Variants in KIRREL3 observed in about 807,000 individuals in gnomAD.
KIRREL3 encodes the protein kin of IRRE-like protein 3.
In KIRREL3, 36 loss-of-function variants were observed where a neutral mutation model predicts 89.7. That is an observed-to-expected ratio of 0.40 (90% CI 0.31 to 0.53). The LOEUF (loss-of-function observed/expected upper bound fraction) is 0.53, where lower values mean the gene tolerates loss of function less well. Among genes scored for constraint, KIRREL3 ranks in the 20% least tolerant of loss-of-function variants. The pLI is 0.49. For synonymous variants in KIRREL3, 445 were observed against 441.4 expected (o/e 1.01, Z -0.10); for missense variants, 864 against 1,056.6 (o/e 0.82, Z 2.53).
intron 1 of KIRREL3, among the ~76,000 whole-genome samples, chr11:126,852,587 T>C (rs1307602101): frequency 1.3e-5 from 2 of 152,308 alleles, no homozygotes; most frequent in Middle Eastern, 3.4e-3. Context: ...GCTTGAGCTA[T>C]CTCTACTTTA....
At chr11:126,930,647 G>T (rs1454839561) in intron 1 of KIRREL3, among the ~76,000 whole-genome samples, 2 of 152,192 alleles carry the variant, frequency 1.3e-5, no homozygotes, top group African/African-American at 4.8e-5. Flanking sequence ...TCACTGGATT[G>T]CTTCATCCCC....
intron 1 of KIRREL3, among the ~76,000 whole-genome samples, chr11:126,806,766 A>G (rs1951216250): frequency 6.6e-6 from 1 of 152,172 alleles, no homozygotes; most frequent in Non-Finnish European, 1.5e-5. Context: ...TGCTGCACCC[A>G]TCAACCCATC....
In KIRREL3 at chr11:126,615,134, A is replaced by G. The variant is rs1442434867; in HGVS notation, c.56-52222T>C. 6.6e-6 allele frequency among the ~76,000 whole-genome samples: 1 copy of G among 152,094 alleles called. No homozygotes were observed. The highest frequency in any genetic ancestry group is 1.5e-5 in the Non-Finnish European group (1 of 68,008). Reference sequence around the variant, plus strand: ...TCAGGGAAAGACATTTTGGTGCATTATGAGGAAGAATTGTAATGTAGAGCT... The same window carrying G: ...TCAGGGAAAGACATTTTGGTGCATTGTGAGGAAGAATTGTAATGTAGAGCT... On this transcript the variant is annotated intron_variant, in intron 1 of 16. Transcript: ENST00000525144. This position sits in a 1 kb window ranked among gnomAD's most constrained non-coding sequence, Gnocchi z 5.4.
intron 1 of KIRREL3, chr11:126,934,852 A>G (rs1287667377): frequency 6.6e-6 from 1 of 152,222 alleles, no homozygotes; most frequent in African/African-American, 2.4e-5. Flanking sequence ...CGAGGTCAGG[A>G]CATCGAGGCT....
intron 1 of KIRREL3, among the ~76,000 whole-genome samples, chr11:126,691,624 G>T (rs754677362): frequency 3.3e-5 from 5 of 152,130 alleles, no homozygotes; most frequent in Non-Finnish European, 7.4e-5. Context: ...TGTAGCAGTA[G>T]TAAAACTTTG....
chr11:126,922,113 A>ATCTGTCTGTCTG (rs1555089441), intron 1 of KIRREL3, among the ~76,000 whole-genome samples: 37 of 141,632 alleles, frequency 2.6e-4, no homozygotes, highest in East Asian at 1.5e-3. Flanking sequence ...CGATCTATCT[A>ATCTGTCTGTCTG]TCTGTCTGTC....
At position 126,995,832 on chromosome 11, in the gene KIRREL3, C is replaced by T. The variant is rs909155535; in HGVS notation, c.55+4623G>A. ...GAACAAAAAAGAAAAACTGCATCTT[C>T]GGGCCTAATCTCCTGCTCCACCCCA... On this transcript the variant is annotated intron_variant, in intron 1 of 16. Transcript: ENST00000525144. This position sits in a 1 kb window ranked among gnomAD's most constrained non-coding sequence, Gnocchi z 6.5. Among the ~76,000 whole-genome samples the T allele has an allele frequency of 5.9e-5, 9 of 152,306 alleles. No homozygotes were observed. The South Asian group carries it at 6.2e-4, about 11-fold the overall frequency.
chr11:126,572,178 C>T (rs1246233011), intron 1 of KIRREL3, among the ~76,000 whole-genome samples: 3 of 152,270 alleles, frequency 2.0e-5, no homozygotes, highest in Non-Finnish European at 2.9e-5. Flanking sequence ...CCAAGAGTTC[C>T]CAAAAGACTA....
chr11:126,939,168 G>A (rs1172859682), intron 1 of KIRREL3, among the ~76,000 whole-genome samples: 1 of 152,176 alleles, frequency 6.6e-6, no homozygotes, highest in Non-Finnish European at 1.5e-5. Flanking sequence ...GAGGAGGGTG[G>A]TAAAAACCAG....
At position 126,459,410 on chromosome 11, in the gene KIRREL3, T is replaced by C. The variant is rs1190403928; in HGVS notation, c.743-2956A>G. ...CTTAGCATCGTCTTTGGTGATCACC[T>C]GCCCCGAAGCGATTCACAAGGGTTC... is the stretch of plus-strand genomic sequence containing the variant. On this transcript the variant is annotated intron_variant, in intron 6 of 16. Coordinates refer to ENST00000525144, the MANE Select transcript of KIRREL3 (RefSeq NM_032531.4). The surrounding 1 kb of genome is among the most constrained non-coding windows in gnomAD (Gnocchi z 4.8). 6.6e-6 allele frequency among the ~76,000 whole-genome samples: 1 copy of C among 152,094 alleles called. No homozygotes were observed. Among genetic ancestry groups the C allele is most frequent in the Non-Finnish European group, 1.5e-5 (1 of 68,016 alleles).
Position 126,576,112 on chromosome 11 carries a change from T to C in KIRREL3, c.56-13200A>G, listed in dbSNP as rs1461059450. On this transcript the variant is annotated intron_variant, in intron 1 of 16. Coordinates refer to ENST00000525144, the MANE Select transcript of KIRREL3 (RefSeq NM_032531.4). This position sits in a 1 kb window ranked among gnomAD's most constrained non-coding sequence, Gnocchi z 5.4. ...TGACGAGTAACTCCACAGACAGGGA[T>C]GATCTACTCTAATGTTCAACAGATT... Among the ~76,000 whole-genome samples the C allele has an allele frequency of 6.6e-6, 1 of 152,176 alleles. No homozygotes were observed. Among genetic ancestry groups the C allele is most frequent in the Non-Finnish European group, 1.5e-5 (1 of 68,038 alleles).
chr11:126,799,130 G>A (rs1950909728), intron 1 of KIRREL3, among the ~76,000 whole-genome samples: 1 of 140,122 alleles, frequency 7.1e-6, no homozygotes. Flanking sequence ...GTGTGCGTGT[G>A]CATGTACCTG....
At chr11:126,517,136 A>AGAGAGAGAGAGAG (rs1958437220) in intron 4 of KIRREL3, among the ~76,000 whole-genome samples, 1 of 140,906 alleles carries the variant, frequency 7.1e-6, no homozygotes, top group Non-Finnish European at 1.5e-5. Flanking sequence ...GAGAGAGAGA[A>AGAGAGAGAGAGAG]AGAGAGAGAG....
At chr11:126,585,184 G>T (rs758652967) in intron 1 of KIRREL3, among the ~76,000 whole-genome samples, 5 of 147,972 alleles carry the variant, frequency 3.4e-5, no homozygotes, top group Non-Finnish European at 7.4e-5. Flanking sequence ...CTTCCAAAGT[G>T]CTGGGATTAC....
chr11:126,963,243 T>A (rs1221762668), intron 1 of KIRREL3, among the ~76,000 whole-genome samples: 1 of 151,902 alleles, frequency 6.6e-6, no homozygotes, highest in African/African-American at 2.4e-5. Context: ...CTTCTAACAC[T>A]TAGTTTCCTG....
At position 126,639,819 on chromosome 11, in the gene KIRREL3, G is replaced by GACACAAGAAGGA. The variant is rs1384840827; in HGVS notation, c.56-76908_56-76907insTCCTTCTTGTGT. ...ACAAGAAGGAGCTAAACTCATTTCA[G>GACACAAGAAGGA]GTTTGACCTCTGTGGCTGGGATCTG... On this transcript the variant is annotated intron_variant, in intron 1 of 16. Coordinates refer to ENST00000525144, the MANE Select transcript of KIRREL3 (RefSeq NM_032531.4). This position sits in a 1 kb window ranked among gnomAD's most constrained non-coding sequence, Gnocchi z 4.3. Among the ~76,000 whole-genome samples the GACACAAGAAGGA allele has an allele frequency of 1.3e-5, 2 of 152,146 alleles. No individual in the cohort carries two copies. Among genetic ancestry groups the GACACAAGAAGGA allele is most frequent in the Non-Finnish European group, 2.9e-5 (2 of 68,022 alleles).
intron 1 of KIRREL3, among the ~76,000 whole-genome samples, chr11:126,604,818 G>A (rs561785794): frequency 1.3e-5 from 2 of 152,206 alleles, no homozygotes; most frequent in Non-Finnish European, 2.9e-5. Flanking sequence ...GAGAAGCAAC[G>A]CTAGACTCAC....
In KIRREL3 at chr11:127,000,576, C is replaced by G; in HGVS notation, c.-67G>C. ...GTGGTTAGTTTCTCTTCCTTGGCGGCTCTCGGTGCTCAGCCTCCGCCGGTC... is the reference window on the plus strand; with the variant it reads ...GTGGTTAGTTTCTCTTCCTTGGCGGGTCTCGGTGCTCAGCCTCCGCCGGTC... On this transcript the variant is annotated 5_prime_UTR_variant, in exon 1 of 17. Transcript: ENST00000525144. This position sits in a 1 kb window ranked among gnomAD's most constrained non-coding sequence, Gnocchi z 7.1. 1 of 1,522,346 alleles carries G rather than the reference C, an allele frequency of 6.6e-7. No individual in the cohort carries two copies. The highest frequency in any genetic ancestry group is 2.0e-5 in the Admixed American group (1 of 51,000). 94.3% of individuals were successfully genotyped at this position (1,522,346 alleles called of 1,614,324 possible).
chr11:126,440,701 G>T, intron 10 of KIRREL3, 152 bp from the exon 11 acceptor site: 1 of 712,396 alleles, frequency 1.4e-6, no homozygotes, highest in East Asian at 2.7e-5. Flanking sequence ...CAAGGTAGAG[G>T]ACTCAGAGAT....
Sources: allele counts gnomAD v4.1 joint callset (sites outside exome capture counted in the v4.1 genomes callset), GRCh38; gene constraint gnomAD v4.1.1; non-coding constraint Gnocchi (gnomAD v3.1); transcripts MANE v1.5; gene names NCBI Gene and HGNC (gene_info 2026-07-23, HGNC 2026-07-21).